OTOA: variants seen among roughly 807,000 people sequenced by gnomAD.
OTOA encodes the protein otoancorin, also known as cancer/testis antigen 108.
A neutral mutation model predicts 110.8 loss-of-function variants in OTOA; 70 were observed. The ratio of observed to expected loss-of-function variants is 0.63; its 90% CI spans 0.52 to 0.77. The LOEUF is 0.77. Ranked by LOEUF, OTOA falls within the 30% of genes least tolerant of loss-of-function variation. The pLI, the probability that OTOA is intolerant of heterozygous loss-of-function variation, is 0.00. For missense variants in OTOA, 917 were observed against 1,075.8 expected, an observed-to-expected ratio of 0.85 and a Z score of 2.06; for synonymous variants, 373 against 431.5, an observed-to-expected ratio of 0.86 and a Z score of 1.68.
intron 11 of OTOA, among the ~76,000 whole-genome samples, chr16:21,701,826 G>A (rs1164029724): frequency 1.3e-5 from 2 of 151,802 alleles, no homozygotes; most frequent in Non-Finnish European, 2.9e-5. Context: ...TTGCCATGTT[G>A]GTCAGGCTGG....
At chr16:21,731,167 A>T (rs1306041033) in intron 21 of OTOA, among the ~76,000 whole-genome samples, 1 of 152,172 alleles carries the variant, frequency 6.6e-6, no homozygotes, top group African/African-American at 2.4e-5. Flanking sequence ...AGATGTGTGC[A>T]GACAGATATT....
chr16:21,723,053 C>A, intron 18 of OTOA, 75 bp downstream of exon 18: 2 of 1,494,418 alleles, frequency 1.3e-6, no homozygotes, highest in Non-Finnish European at 1.9e-6. Context: ...AAATGATTCT[C>A]TCCCCACTGG....
intron 13 of OTOA, among the ~76,000 whole-genome samples, chr16:21,714,669 G>A (rs1196030578): frequency 2.0e-5 from 3 of 151,882 alleles, no homozygotes; most frequent in Non-Finnish European, 4.4e-5. Flanking sequence ...CTGCTACCAT[G>A]CCTGGCTAAT....
intron 20 of OTOA, among the ~76,000 whole-genome samples, chr16:21,729,314 G>A (rs1404349907): frequency 6.6e-6 from 1 of 152,240 alleles, no homozygotes; most frequent in Non-Finnish European, 1.5e-5. Flanking sequence ...TGGGATTATA[G>A]GTATGGGCCA....
At chr16:21,672,360 C>T (rs75382174) in intron 1 of OTOA, among the ~76,000 whole-genome samples, 5,358 of 152,134 alleles carry the variant, frequency 0.035, 109 homozygotes, top group Middle Eastern at 0.082. Context: ...CGGTGGCTCA[C>T]GCCAGCAATC....
intron 8 of OTOA, among the ~76,000 whole-genome samples, chr16:21,688,086 A>C (rs374457560): frequency 8.7e-4 from 133 of 152,160 alleles, no homozygotes; most frequent in African/African-American, 3.0e-3. Context: ...TTTGGAGCAA[A>C]AGCTTAACAT....
intron 1 of OTOA, among the ~76,000 whole-genome samples, chr16:21,673,462 C>T (rs966672386): frequency 6.6e-6 from 1 of 152,188 alleles, no homozygotes; most frequent in Non-Finnish European, 1.5e-5. Flanking sequence ...CATCCCTTGA[C>T]AGCCTTATCT....
intron 1 of OTOA, among the ~76,000 whole-genome samples, chr16:21,670,319 A>ACGTGCAATTTACTGAAGAT (rs1208199354): frequency 3.3e-5 from 5 of 152,070 alleles, no homozygotes; most frequent in Non-Finnish European, 5.9e-5. Context: ...TTACTGAAGA[A>ACGTGCAATTTACTGAAGAT]CATGCAAATT....
intron 9 of OTOA, among the ~76,000 whole-genome samples, chr16:21,695,282 G>A (rs1485213773): frequency 6.8e-6 from 1 of 147,726 alleles, no homozygotes; most frequent in African/African-American, 2.5e-5. Context: ...ATGTGTGCCT[G>A]TAGTCCTAGC....
intron 27 of OTOA, among the ~76,000 whole-genome samples, chr16:21,756,286 T>G (rs551888213): frequency 6.6e-6 from 1 of 151,760 alleles, no homozygotes; most frequent in East Asian, 1.9e-4. Flanking sequence ...CCAACTCATG[T>G]TGTCCATAGC....
At chr16:21,691,754 C>A in intron 9 of OTOA, 67 bp downstream of exon 9, 1 of 1,373,786 alleles carries the variant, frequency 7.3e-7, no homozygotes, top group South Asian at 1.2e-5. Flanking sequence ...GGTGTTTCAT[C>A]TCTGAAAACA....
At chr16:21,737,955 C>T (rs1201884384) in intron 22 of OTOA, among the ~76,000 whole-genome samples, 5 of 152,306 alleles carry the variant, frequency 3.3e-5, no homozygotes, top group African/African-American at 4.8e-5. Context: ...AACAAATATT[C>T]GTTAAGCACC....
At chr16:21,677,617 G>T (rs1311580878) in intron 1 of OTOA, among the ~76,000 whole-genome samples, 5 of 151,466 alleles carry the variant, frequency 3.3e-5, no homozygotes, top group Admixed American at 1.3e-4. Context: ...GAGTAGCTGG[G>T]ACTACAGGCG....
intron 21 of OTOA, among the ~76,000 whole-genome samples, chr16:21,731,729 T>G (rs1185315154): frequency 6.6e-6 from 1 of 151,534 alleles, no homozygotes; most frequent in East Asian, 1.9e-4. Flanking sequence ...AGGAAAGGAG[T>G]GAATGTTTGC....
intron 19 of OTOA, 42 bp from the exon 20 acceptor site, chr16:21,728,199 G>A (rs1213349494): frequency 6.2e-7 from 1 of 1,611,518 alleles, no homozygotes; most frequent in East Asian, 2.2e-5. Context: ...ACGATCTTAT[G>A]CTCTGTTGGA....
At position 21,722,455 on chromosome 16, in the gene OTOA, A is replaced by T. The variant is rs545293133; in HGVS notation, c.1807-450A>T. On this transcript the variant is annotated intron_variant, in intron 17 of 28. Transcript: ENST00000646100. ...TATAGTTTAACAGAATTGTGTGTAC[A>T]ATATGAGCCCATTTGTGGTTTTTAC... Among the ~76,000 whole-genome samples, 4 of 150,658 alleles carry T rather than the reference A, an allele frequency of 2.7e-5. No homozygotes were observed. In the East Asian group the frequency reaches 5.8e-4, roughly 22 times the overall value.
chr16:21,721,280 A>ACAC (rs1567389816), intron 17 of OTOA: 16 of 422,814 alleles, frequency 3.8e-5, no homozygotes, highest in African/African-American at 1.9e-4. Context: ...CACACACACA[A>ACAC]ACAACCAATA....
chr16:21,723,032 C>T (rs1255772454), intron 18 of OTOA, 54 bp downstream of exon 18: 9 of 1,565,910 alleles, frequency 5.7e-6, no homozygotes, highest in Non-Finnish European at 7.9e-6. Flanking sequence ...CGGTGGGAAT[C>T]ACTGAAGTCA....
At chr16:21,705,035 C>G (rs1898130859) in intron 11 of OTOA, 134 bp from the exon 12 acceptor site, 1 of 1,412,182 alleles carries the variant, frequency 7.1e-7, no homozygotes, top group African/African-American at 1.4e-5. Flanking sequence ...TGAGGATGTT[C>G]AGGTTATGTG....
Sources: allele counts gnomAD v4.1 joint callset (sites outside exome capture counted in the v4.1 genomes callset), GRCh38; gene constraint gnomAD v4.1.1; transcripts MANE v1.5; gene names NCBI Gene and HGNC (gene_info 2026-07-23, HGNC 2026-07-21).